The following FTO variants were observed in gnomAD, a reference collection of about 807,000 sequenced individuals.
FTO encodes the protein FTO alpha-ketoglutarate dependent dioxygenase, also known as alpha-ketoglutarate-dependent dioxygenase FTO.
A neutral mutation model predicts 63.9 loss-of-function variants in FTO; 47 were observed. The ratio of observed to expected loss-of-function variants is 0.74; its 90% confidence interval spans 0.58 to 0.94. The LOEUF (loss-of-function observed/expected upper bound fraction) is 0.94, where lower values mean the gene tolerates loss of function less well. FTO is among the 40% of genes least tolerant of loss of function. The pLI is 0.00. For synonymous variants in FTO, 207 were observed against 224.4 expected (o/e 0.92, Z 0.69); for missense variants, 562 against 618.1 (o/e 0.91, Z 0.96).
chr16:53,902,843 G>C (rs1484138515), intron 7 of FTO, among the ~76,000 whole-genome samples: 1 of 152,222 alleles, frequency 6.6e-6, no homozygotes, highest in African/African-American at 2.4e-5. Context: ...GCCGGGCATG[G>C]TGGCTCATTC....
At chr16:54,031,606 CAA>C (rs565290926) in intron 8 of FTO, among the ~76,000 whole-genome samples, 84 of 152,170 alleles carry the variant, frequency 5.5e-4, no homozygotes, top group African/African-American at 1.9e-3. Flanking sequence ...CATCAGAATG[CAA>C]AGTCTGAAAA....
chr16:53,992,954 G>A (rs1418392465), intron 8 of FTO: 1 of 152,192 alleles, frequency 6.6e-6, no homozygotes, highest in Non-Finnish European at 1.5e-5. Context: ...ACAGATGCCT[G>A]TTGAACTAAA....
At chr16:54,061,183 A>T (rs76051799) in intron 8 of FTO, among the ~76,000 whole-genome samples, 1,996 of 152,298 alleles carry the variant, frequency 0.013, 32 homozygotes, top group African/African-American at 0.046. Context: ...GGTGATTCGG[A>T]TGATTTTTTA....
intron 1 of FTO, among the ~76,000 whole-genome samples, chr16:53,717,007 A>G (rs2075909822): frequency 6.6e-6 from 1 of 151,558 alleles, no homozygotes; most frequent in Admixed American, 6.6e-5. Flanking sequence ...GCTTTTTTTT[A>G]CCATCCAGTA....
intron 8 of FTO, among the ~76,000 whole-genome samples, chr16:54,004,730 C>A (rs1402614031): frequency 6.6e-6 from 1 of 152,036 alleles, no homozygotes; most frequent in Non-Finnish European, 1.5e-5. Context: ...ATATCAGGCA[C>A]CAACTCTAAT....
chr16:53,940,651 T>G (rs540584948), intron 8 of FTO, among the ~76,000 whole-genome samples: 27 of 152,358 alleles, frequency 1.8e-4, no homozygotes, highest in African/African-American at 6.3e-4. Context: ...AGGAGACAAC[T>G]TCATTTGGGT....
intron 8 of FTO, among the ~76,000 whole-genome samples, chr16:54,107,268 A>G (rs1205114481): frequency 6.6e-6 from 1 of 152,062 alleles, no homozygotes; most frequent in African/African-American, 2.4e-5. Context: ...ATTTTTCCTT[A>G]GGATAGGATT....
At chr16:53,715,739 A>AT (rs1361021676) in intron 1 of FTO, among the ~76,000 whole-genome samples, 4 of 152,248 alleles carry the variant, frequency 2.6e-5, no homozygotes, top group South Asian at 4.1e-4. Flanking sequence ...TAAAATTCCC[A>AT]TTTTTTTCAT....
chr16:53,958,207 G>A (rs2096765455), intron 8 of FTO, among the ~76,000 whole-genome samples: 2 of 152,122 alleles, frequency 1.3e-5, no homozygotes, highest in Non-Finnish European at 1.5e-5. Context: ...TCAGTGAATC[G>A]GCCCACTTAG....
chr16:53,873,100 G>A lies in FTO; in HGVS notation c.896-686G>A, dbSNP rs896283534. On this transcript the variant is annotated intron_variant, in intron 4 of 8. Transcript: ENST00000471389. ...AACATGCTGAGTTGGTTGGTTTATT[G>A]CCTGGAAAATTGTTAGGGCAAAATT... Among the ~76,000 whole-genome samples the A allele has an allele frequency of 5.3e-5, 8 of 152,124 alleles. No individual in the cohort carries two copies. The East Asian group carries it at 1.5e-3, about 29-fold the overall frequency.
Position 53,844,305 on chromosome 16 carries a change from T to C in FTO, c.895+7T>C. 1 of 1,610,012 alleles carries C rather than the reference T, an allele frequency of 6.2e-7. No individual in the cohort carries two copies. ...GACTGCTATTTCATGCTTGGTAATCTTTGGAAAATCAAAATTATATTGAAA... is the reference window on the plus strand; with the variant it reads ...GACTGCTATTTCATGCTTGGTAATCCTTGGAAAATCAAAATTATATTGAAA... On this transcript the variant is annotated splice_region_variant and intron_variant, in intron 4 of 8. Transcript: ENST00000471389.
At chr16:53,881,600 A>G (rs2080837959) in intron 6 of FTO, among the ~76,000 whole-genome samples, 1 of 152,160 alleles carries the variant, frequency 6.6e-6, no homozygotes, top group Non-Finnish European at 1.5e-5. Context: ...CTTGCTTTTC[A>G]CTGATGAAAT....
intron 1 of FTO, among the ~76,000 whole-genome samples, chr16:53,769,328 ACTTGGG>A (rs2077281310): frequency 6.6e-6 from 1 of 152,290 alleles, no homozygotes; most frequent in South Asian, 2.1e-4. Context: ...GAACCATATT[ACTTGGG>A]CTTGAGTACT....
At chr16:53,886,935 GT>G (rs1195939771) in intron 6 of FTO, 2 of 152,198 alleles carry the variant, frequency 1.3e-5, no homozygotes, top group African/African-American at 4.8e-5. Context: ...GTGGCTCCAC[GT>G]TTCTTTAGCG....
intron 8 of FTO, among the ~76,000 whole-genome samples, chr16:54,087,223 G>A (rs555691781): frequency 2.6e-5 from 4 of 152,166 alleles, no homozygotes; most frequent in African/African-American, 7.2e-5. Context: ...TCCTGAAAGC[G>A]TTTTTGGTTT....
At chr16:54,074,683 G>T (rs2085943981) in intron 8 of FTO, among the ~76,000 whole-genome samples, 1 of 152,074 alleles carries the variant, frequency 6.6e-6, no homozygotes, top group Admixed American at 6.5e-5. Flanking sequence ...ATGCTGGGAT[G>T]AATATCCTTG....
intron 4 of FTO, among the ~76,000 whole-genome samples, chr16:53,848,936 G>A (rs2079710040): frequency 6.6e-6 from 1 of 152,070 alleles, no homozygotes; most frequent in South Asian, 2.1e-4. Flanking sequence ...ATTTACATTT[G>A]TTTCTTAAGC....
intron 1 of FTO, among the ~76,000 whole-genome samples, chr16:53,715,550 G>A (rs1338239954): frequency 6.6e-6 from 1 of 152,160 alleles, no homozygotes; most frequent in Non-Finnish European, 1.5e-5. Context: ...ATCGTTGTCT[G>A]AGAAAGTTTA....
At chr16:53,744,341 G>A (rs548995786) in intron 1 of FTO, among the ~76,000 whole-genome samples, 1 of 152,292 alleles carries the variant, frequency 6.6e-6, no homozygotes, top group South Asian at 2.1e-4. Context: ...TTTAGATTCT[G>A]CATTAATTTC....
Sources: gnomAD v4.1 joint callset for allele counts (sites outside exome capture counted in the v4.1 genomes callset) on GRCh38, gnomAD v4.1.1 for gene constraint, MANE v1.5 for transcripts, NCBI Gene and HGNC (gene_info 2026-07-23, HGNC 2026-07-21) for gene names.